QSOX1: variants seen among roughly 807,000 people sequenced by gnomAD.
The protein encoded by QSOX1 is quiescin sulfhydryl oxidase 1.
QSOX1 carries 40 observed loss-of-function variants against 76.1 expected under a neutral mutation model. The observed-to-expected ratio is 0.53, with a 90% CI of 0.41 to 0.68. QSOX1 has a LOEUF of 0.68. Ranked by LOEUF, QSOX1 falls within the 30% of genes least tolerant of loss-of-function variation. QSOX1 has a pLI of 0.00. For missense variants in QSOX1, 931 were observed against 974.3 expected (o/e 0.96, Z 0.59); for synonymous variants, 392 against 413.1 (o/e 0.95, Z 0.62).
chr1:180,186,562 C>G (rs935346438), intron 8 of QSOX1, among the ~76,000 whole-genome samples: 1 of 152,230 alleles, frequency 6.6e-6, no homozygotes, highest in Admixed American at 6.5e-5. Flanking sequence ...CTAGGACACC[C>G]TGGCGAAGGA....
Position 180,196,412 on chromosome 1 carries a change from T to C in QSOX1, c.1619T>C (p.Ile540Thr). Residue 540 changes from isoleucine (I) to threonine (T), a missense_variant, in exon 12 of 12, where the codon ATC becomes ACC. Physicochemically the swap from Ile to Thr is moderately conservative, Grantham distance 89. Coordinates refer to ENST00000367602, the MANE Select transcript of QSOX1 (RefSeq NM_002826.5). This position sits in a 1 kb window ranked among gnomAD's most constrained non-coding sequence, Gnocchi z 4.1. ...FLKAHFSPSN[I>T]ILDFPAAGSA... ...AAGGCCCACTTCTCCCCAAGCAACATCATCCTGGACTTCCCTGCAGCTGGG... is the reference window on the plus strand; with the variant it reads ...AAGGCCCACTTCTCCCCAAGCAACACCATCCTGGACTTCCCTGCAGCTGGG... The C allele has an allele frequency of 6.2e-6, 10 of 1,614,116 alleles. No individual in the cohort carries two copies. Among genetic ancestry groups the C allele is most frequent in the Non-Finnish European group, 8.5e-6 (10 of 1,180,004 alleles).
intron 2 of QSOX1, among the ~76,000 whole-genome samples, chr1:180,167,017 G>T (rs940941740): frequency 6.6e-6 from 1 of 152,256 alleles, no homozygotes; most frequent in Admixed American, 6.5e-5. Context: ...AGGCAGCAGG[G>T]ATCCCCGGCA....
intron 2 of QSOX1, among the ~76,000 whole-genome samples, chr1:180,169,767 G>A (rs774713154): frequency 1.3e-5 from 2 of 152,256 alleles, no homozygotes; most frequent in Non-Finnish European, 2.9e-5. Context: ...GCCCAGCACC[G>A]CACTCACCAC....
intron 1 of QSOX1, among the ~76,000 whole-genome samples, chr1:180,165,416 C>G (rs1662590920): frequency 6.6e-6 from 1 of 152,258 alleles, no homozygotes; most frequent in Non-Finnish European, 1.5e-5. Flanking sequence ...TTCTTGCTCC[C>G]TTCTATTCTG....
At chr1:180,171,262 A>C (rs1184877949) in intron 2 of QSOX1, among the ~76,000 whole-genome samples, 1 of 152,202 alleles carries the variant, frequency 6.6e-6, no homozygotes, top group Non-Finnish European at 1.5e-5. Context: ...CAGGTGGAGA[A>C]GGAGAGGACT....
chr1:180,186,577 A>T (rs1663178963), intron 8 of QSOX1, among the ~76,000 whole-genome samples: 1 of 152,106 alleles, frequency 6.6e-6, no homozygotes, highest in Admixed American at 6.5e-5. Context: ...GAAGGAGAGG[A>T]TGCTCTTCTG....
At chr1:180,194,527 A>G (rs551208074) in intron 11 of QSOX1, 135 bp downstream of exon 11, 44 of 797,616 alleles carry the variant, frequency 5.5e-5, no homozygotes, top group Middle Eastern at 2.7e-4. Flanking sequence ...CTGTTAACCA[A>G]TGCCAGTATC....
chr1:180,164,993 T>C (rs1158343431), intron 1 of QSOX1, among the ~76,000 whole-genome samples: 1 of 152,110 alleles, frequency 6.6e-6, no homozygotes, highest in Non-Finnish European at 1.5e-5. Context: ...GAGAACTCAC[T>C]CGTTATCAAG....
At chr1:180,160,684 T>A (rs559562305) in intron 1 of QSOX1, among the ~76,000 whole-genome samples, 8 of 152,336 alleles carry the variant, frequency 5.3e-5, no homozygotes, top group Admixed American at 4.6e-4. Context: ...AATGAAACTC[T>A]TGTTCAGAAG....
In QSOX1 at chr1:180,181,829, C is replaced by T. The variant is rs142048552; in HGVS notation, c.607-345C>T. On this transcript the variant is annotated intron_variant, in intron 5 of 11. Coordinates refer to ENST00000367602, the MANE Select transcript of QSOX1 (RefSeq NM_002826.5). ...GTGCTGGCTCAGTGCAAAAAACAAACGAGAATTAAAATGAAACCACATTTT... is the reference window on the plus strand; with the variant it reads ...GTGCTGGCTCAGTGCAAAAAACAAATGAGAATTAAAATGAAACCACATTTT... Among the ~76,000 whole-genome samples, 779 of 152,238 alleles carry T rather than the reference C, an allele frequency of 5.1e-3. 2 individuals are homozygous for T. The highest frequency in any genetic ancestry group is 7.9e-3 in the Non-Finnish European group (539 of 68,014).
At chr1:180,175,872 G>A (rs1662876598) in intron 3 of QSOX1, 59 bp from the exon 4 acceptor site, 2 of 1,355,610 alleles carry the variant, frequency 1.5e-6, no homozygotes, top group Admixed American at 2.0e-5. Context: ...GGTGGCCAGT[G>A]TGCTGTGGAA....
intron 2 of QSOX1, among the ~76,000 whole-genome samples, chr1:180,174,206 G>A (rs1487578181): frequency 6.6e-6 from 1 of 152,264 alleles, no homozygotes; most frequent in Non-Finnish European, 1.5e-5. Flanking sequence ...CAACTCAACT[G>A]TGTTCCCTCC....
In QSOX1 at chr1:180,189,739, C is replaced by T. The variant is rs1277085507; in HGVS notation, c.1140+65C>T. The stretch of plus-strand genomic sequence containing the variant: ...TATTTATGAGAGTGCAAGGGGTTAA[C>T]CCTGTCATTTCTGACCTTCTTCGCC... On this transcript the variant is annotated intron_variant, in intron 9 of 11. Transcript: ENST00000367602. 3.2e-6 allele frequency: 5 copies of T among 1,539,962 alleles called. No individual in the cohort carries two copies. The African/African-American group carries it at 6.9e-5, about 21-fold the overall frequency.
rs758819192 is a variant in QSOX1, at chr1:180,189,585, C to G, written c.1051C>G (p.Leu351Val). ...TGGCCGGCCCTTAGTCCAGAACTTC[C>G]TGCACTCCGTGAATGAATGGCTCAA... ...FPGRPLVQNF[L>V]HSVNEWLKRQ... Residue 351 changes from leucine to valine, a missense_variant, in exon 9 of 12, where the codon CTG becomes GTG. By Grantham distance (32) the Leu-to-Val change is conservative. Transcript: ENST00000367602. 1 of 1,613,630 alleles carries G rather than the reference C, an allele frequency of 6.2e-7. No individual in the cohort carries two copies. The highest frequency in any genetic ancestry group is 1.7e-5 in the Admixed American group (1 of 59,994).
intron 2 of QSOX1, among the ~76,000 whole-genome samples, chr1:180,170,853 C>T (rs574571586): frequency 3.3e-5 from 5 of 152,332 alleles, no homozygotes; most frequent in African/African-American, 9.6e-5. Flanking sequence ...AGATGCCAGA[C>T]ACTGTGGAGC....
Position 180,187,869 on chromosome 1 carries a change from G to A in QSOX1, c.1018-1683G>A, listed in dbSNP as rs558704164. ...GAGACCCTCTGTTTGGGTTTTGCCC[G>A]CACATCCCCTGGGGTCTGTAGAGTA... On this transcript the variant is annotated intron_variant, in intron 8 of 11. Coordinates refer to ENST00000367602, the MANE Select transcript of QSOX1 (RefSeq NM_002826.5). Among the ~76,000 whole-genome samples the A allele has an allele frequency of 5.3e-5, 8 of 152,342 alleles. No individual in the cohort carries two copies. In the East Asian group the frequency reaches 7.7e-4, roughly 15 times the overall value.
chr1:180,196,410 C>T lies in QSOX1; in HGVS notation c.1617C>T (p.Asn539=), dbSNP rs772197584. Residue 539 remains asparagine, a synonymous_variant, in exon 12 of 12, where the codon AAC becomes AAT. Transcript: ENST00000367602. This position sits in a 1 kb window ranked among gnomAD's most constrained non-coding sequence, Gnocchi z 4.1. ...TCAAGGCCCACTTCTCCCCAAGCAACATCATCCTGGACTTCCCTGCAGCTG... is the reference window on the plus strand; with the variant it reads ...TCAAGGCCCACTTCTCCCCAAGCAATATCATCCTGGACTTCCCTGCAGCTG... ...NFLKAHFSPS[N]IILDFPAAGS... 6.2e-7 allele frequency: 1 copy of T among 1,614,218 alleles called. No homozygotes were observed. Among genetic ancestry groups the T allele is most frequent in the Admixed American group, 1.7e-5 (1 of 60,032 alleles).
rs1273811268 is a variant in QSOX1 at position 180,155,108 on chromosome 1, C to T, written c.201C>T (p.Ala67=). Residue 67 remains alanine (A), a synonymous_variant, in exon 1 of 12, where the codon GCC becomes GCT. Transcript: ENST00000367602. ...GCGCCTGGGCCGTGGAGTTCTTCGC[C>T]TCCTGGTGCGGCCACTGCATCGCCT... ...SRSAWAVEFF[A]SWCGHCIAFA... 2.6e-6 allele frequency: 4 copies of T among 1,523,128 alleles called. No homozygotes were observed. The highest frequency in any genetic ancestry group is 1.4e-5 in the African/African-American group (1 of 70,364). The allele number at this position is 1,523,128 out of a possible 1,614,324, so 94.4% of individuals were successfully genotyped here.
At position 180,202,285 on chromosome 1, in the gene QSOX1, A is replaced by G. The variant is rs1044920876; in HGVS notation, c.*5248A>G. 1.3e-5 allele frequency: 2 copies of G among 152,268 alleles called. No homozygotes were observed. The highest frequency in any genetic ancestry group is 4.8e-5 in the African/African-American group (2 of 41,440). 9.4% of individuals were successfully genotyped at this position (152,268 alleles called of 1,614,324 possible). On this transcript the variant is annotated 3_prime_UTR_variant, in exon 12 of 12. Coordinates refer to ENST00000367602, the MANE Select transcript of QSOX1 (RefSeq NM_002826.5). ...TTTGGCAAGACTTGGTCGTCTCTATACTGAGAGAGCAAAAGCTCTTTTCCT... is the reference window on the plus strand; with the variant it reads ...TTTGGCAAGACTTGGTCGTCTCTATGCTGAGAGAGCAAAAGCTCTTTTCCT...
Sources: allele counts gnomAD v4.1 joint callset (sites outside exome capture counted in the v4.1 genomes callset), GRCh38; gene constraint gnomAD v4.1.1; non-coding constraint Gnocchi (gnomAD v3.1); transcripts MANE v1.5; gene names NCBI Gene and HGNC (gene_info 2026-07-23, HGNC 2026-07-21).